CUX1: variants seen among roughly 807,000 people sequenced by gnomAD.
CUX1 encodes the protein cut like homeobox 1.
In CUX1, 31 loss-of-function variants were observed where a neutral mutation model predicts 158.8. The ratio of observed to expected loss-of-function variants is 0.20; its 90% CI spans 0.15 to 0.26. CUX1 has a LOEUF of 0.26. CUX1 is among the 10% of genes least tolerant of loss of function. CUX1 has a pLI of 1.00. For missense variants in CUX1, 1,589 were observed against 2,014.6 expected, an observed-to-expected ratio of 0.79 and a Z score of 4.04; for synonymous variants, 879 against 862.1, an observed-to-expected ratio of 1.02 and a Z score of -0.34.
At chr7:101,939,470 C>T (rs1011892454) in intron 2 of CUX1, among the ~76,000 whole-genome samples, 9 of 152,102 alleles carry the variant, frequency 5.9e-5, no homozygotes, top group South Asian at 2.1e-4. Flanking sequence ...ACCTAACCCT[C>T]GTCTGAACGA....
chr7:102,174,126 T>A (rs1387614116), intron 10 of CUX1, among the ~76,000 whole-genome samples: 1 of 152,088 alleles, frequency 6.6e-6, no homozygotes, highest in African/African-American at 2.4e-5. Flanking sequence ...GTTTGTTTGT[T>A]TGTTTTTTAG....
intron 1 of CUX1, among the ~76,000 whole-genome samples, chr7:101,874,073 T>A (rs887621589): frequency 2.0e-5 from 3 of 152,212 alleles, no homozygotes; most frequent in Non-Finnish European, 4.4e-5. Context: ...GTAAATCATA[T>A]TTCATATTCT....
chr7:101,989,239 A>G (rs1187665336), intron 2 of CUX1, among the ~76,000 whole-genome samples: 5 of 152,142 alleles, frequency 3.3e-5, no homozygotes, highest in African/African-American at 1.2e-4. Context: ...CAGCTGCAGA[A>G]CCGGAGACCT....
chr7:102,252,778 A>G lies in CUX1; in HGVS notation c.*3736A>G. 1.0e-6 allele frequency: 1 copy of G among 985,490 alleles called. No individual in the cohort carries two copies. The highest frequency in any genetic ancestry group is 1.7e-5 in the African/African-American group (1 of 57,356). 61.0% of individuals were successfully genotyped at this position (985,490 alleles called of 1,614,324 possible). On this transcript the variant is annotated 3_prime_UTR_variant, in exon 24 of 24. Transcript: ENST00000292535. Reference sequence around the variant, plus strand: ...TAACCTCCTCTTGAACTTCTGTATCAGTGAAGACATCTGTGGTTTCTGCTC... The same window carrying G: ...TAACCTCCTCTTGAACTTCTGTATCGGTGAAGACATCTGTGGTTTCTGCTC...
chr7:102,116,165 G>T (rs931704711), intron 8 of CUX1, among the ~76,000 whole-genome samples: 1 of 152,124 alleles, frequency 6.6e-6, no homozygotes, highest in Non-Finnish European at 1.5e-5. Context: ...TCTGTATGGG[G>T]TGCCGGCACT....
chr7:101,906,941 G>T (rs1802825593), intron 1 of CUX1, among the ~76,000 whole-genome samples: 1 of 152,110 alleles, frequency 6.6e-6, no homozygotes, highest in Non-Finnish European at 1.5e-5. Context: ...GTCTCACTCT[G>T]TGGAAACCCT....
intron 23 of CUX1, among the ~76,000 whole-genome samples, chr7:102,244,701 A>C (rs1436682746): frequency 3.3e-5 from 5 of 152,156 alleles, no homozygotes; most frequent in African/African-American, 1.2e-4. Context: ...CAGCAAAAAA[A>C]AACATATCTC....
At chr7:101,937,329 C>T (rs1047311125) in intron 2 of CUX1, among the ~76,000 whole-genome samples, 3 of 152,178 alleles carry the variant, frequency 2.0e-5, no homozygotes, top group East Asian at 3.8e-4. Flanking sequence ...TCCAGGTCAT[C>T]ATAGCACATG....
intron 5 of CUX1, among the ~76,000 whole-genome samples, chr7:102,099,152 G>A (rs1829523409): frequency 6.6e-6 from 1 of 152,128 alleles, no homozygotes; most frequent in Non-Finnish European, 1.5e-5. Flanking sequence ...TGTGGGCATG[G>A]GGGTACTCAA....
chr7:101,834,464 C>T (rs749506567), intron 1 of CUX1, among the ~76,000 whole-genome samples: 11 of 152,110 alleles, frequency 7.2e-5, no homozygotes, highest in South Asian at 2.1e-4. Context: ...TGAGCCACCA[C>T]GCCCAGCCTT....
chr7:102,277,581 C>G (rs914552975), intron 17 of CUX1, among the ~76,000 whole-genome samples: 66 of 151,546 alleles, frequency 4.4e-4, no homozygotes, highest in African/African-American at 1.5e-3. Context: ...GCCTGGGCAA[C>G]AAGAGCGAAA....
chr7:102,003,702 A>G (rs1000835513), intron 2 of CUX1, among the ~76,000 whole-genome samples: 2 of 152,166 alleles, frequency 1.3e-5, no homozygotes, highest in African/African-American at 2.4e-5. Flanking sequence ...GTAGGTTGCT[A>G]TGGGGATTGA....
chr7:101,873,543 T>G (rs1327489912), intron 1 of CUX1, among the ~76,000 whole-genome samples: 4 of 152,106 alleles, frequency 2.6e-5, no homozygotes, highest in Non-Finnish European at 5.9e-5. Context: ...CTTTCCTTAT[T>G]TTAAATATTG....
intron 9 of CUX1, among the ~76,000 whole-genome samples, chr7:102,165,288 C>T (rs1237163427): frequency 6.6e-6 from 1 of 151,890 alleles, no homozygotes; most frequent in Non-Finnish European, 1.5e-5. Flanking sequence ...CTTTAGAGGC[C>T]TGGAAGTAGC....
At chr7:102,092,264 T>A (rs1328229608) in intron 4 of CUX1, among the ~76,000 whole-genome samples, 1 of 152,232 alleles carries the variant, frequency 6.6e-6, no homozygotes, top group African/African-American at 2.4e-5. Flanking sequence ...TCTCCTTCCC[T>A]GGGACCACAC....
intron 2 of CUX1, among the ~76,000 whole-genome samples, chr7:101,964,925 C>T (rs546118269): frequency 6.6e-6 from 1 of 152,334 alleles, no homozygotes; most frequent in East Asian, 1.9e-4. Context: ...TGATTCCTTT[C>T]CAGGGAGCAG....
intron 2 of CUX1, among the ~76,000 whole-genome samples, chr7:101,952,942 T>C (rs1228093675): frequency 6.6e-6 from 1 of 152,262 alleles, no homozygotes; most frequent in Non-Finnish European, 1.5e-5. Flanking sequence ...TTTATCCGTC[T>C]GTTTACAACA....
chr7:101,889,239 A>G (rs1427959695), intron 1 of CUX1, among the ~76,000 whole-genome samples: 2 of 143,022 alleles, frequency 1.4e-5, no homozygotes, highest in Non-Finnish European at 3.0e-5. Flanking sequence ...AACCTGGGCA[A>G]TGGAGCAAGA....
chr7:102,272,096 G>A (rs1791257022), intron 14 of CUX1, among the ~76,000 whole-genome samples: 1 of 152,260 alleles, frequency 6.6e-6, no homozygotes, highest in Admixed American at 6.5e-5. Flanking sequence ...GGCTTAGACA[G>A]AGCTGGGGGT....
Sources: gnomAD v4.1 joint callset for allele counts (sites outside exome capture counted in the v4.1 genomes callset) on GRCh38, gnomAD v4.1.1 for gene constraint, MANE v1.5 for transcripts, NCBI Gene and HGNC (gene_info 2026-07-23, HGNC 2026-07-21) for gene names.